Variants in OPCML observed in about 807,000 individuals in gnomAD.
OPCML encodes the protein opioid binding protein/cell adhesion molecule like.
Under a neutral mutation model 37.8 loss-of-function variants are expected in OPCML, and 13 were observed. The ratio of observed to expected loss-of-function variants is 0.34; its 90% confidence interval spans 0.22 to 0.55. The LOEUF is 0.55. Ranked by LOEUF, OPCML falls within the 20% of genes least tolerant of loss-of-function variation. The pLI is 0.91. For synonymous variants in OPCML, 176 were observed against 168.8 expected, an observed-to-expected ratio of 1.04 and a Z score of -0.33; for missense variants, 341 against 435.6, an observed-to-expected ratio of 0.78 and a Z score of 1.93.
chr11:132,473,893 A>C (rs932370850), intron 4 of OPCML, among the ~76,000 whole-genome samples: 1 of 152,198 alleles, frequency 6.6e-6, no homozygotes, highest in Non-Finnish European at 1.5e-5. Context: ...GTCATGGCAC[A>C]GATGAAAATC....
At chr11:132,435,517 C>T (rs75103628) in intron 7 of OPCML, among the ~76,000 whole-genome samples, 5 of 152,186 alleles carry the variant, frequency 3.3e-5, no homozygotes, top group Admixed American at 2.6e-4. Context: ...GACATAGGGG[C>T]TTTAAAGGAG....
In OPCML at chr11:132,943,784, G is replaced by A. The variant is rs1415766617; in HGVS notation, c.62-774C>T. On this transcript the variant is annotated intron_variant, in intron 1 of 7. Transcript: ENST00000524381. The surrounding 1 kb of genome is among the most constrained non-coding windows in gnomAD (Gnocchi z 4.3). Reference sequence around the variant, plus strand: ...CGCCCGGCGCAGGCTCCGGGCGCACGGGGAGCTGGGCGGACGGCGGCCCCC... The same window carrying A: ...CGCCCGGCGCAGGCTCCGGGCGCACAGGGAGCTGGGCGGACGGCGGCCCCC... 1 of 150,362 alleles carries A rather than the reference G, an allele frequency of 6.7e-6. No individual in the cohort carries two copies. Among genetic ancestry groups the A allele is most frequent in the Non-Finnish European group, 1.5e-5 (1 of 67,504 alleles). The allele number at this position is 150,362 out of a possible 1,614,324, so 9.3% of individuals were successfully genotyped here.
intron 2 of OPCML, among the ~76,000 whole-genome samples, chr11:132,830,743 C>A (rs1346076047): frequency 3.3e-5 from 5 of 152,202 alleles, no homozygotes; most frequent in East Asian, 3.8e-4. Context: ...GCCTCTCTAT[C>A]TTTTCCCTTA....
intron 3 of OPCML, among the ~76,000 whole-genome samples, chr11:132,617,459 G>A (rs912227660): frequency 5.3e-5 from 8 of 152,114 alleles, no homozygotes; most frequent in Non-Finnish European, 1.5e-5. Context: ...CTCAAACCTG[G>A]CCTATGTCTA....
chr11:132,663,591 G>A (rs1231771333), intron 2 of OPCML, among the ~76,000 whole-genome samples: 1 of 152,182 alleles, frequency 6.6e-6, no homozygotes, highest in Non-Finnish European at 1.5e-5. Flanking sequence ...ATCATATCAG[G>A]CTGATGACAA....
chr11:133,219,809 G>C (rs879497256), intron 1 of OPCML, among the ~76,000 whole-genome samples: 3 of 150,070 alleles, frequency 2.0e-5, no homozygotes, highest in Non-Finnish European at 4.5e-5. Context: ...GGGGAGGGGG[G>C]TGCTACAGAC....
At chr11:133,093,062 AATT>A (rs1030089615) in intron 1 of OPCML, among the ~76,000 whole-genome samples, 6 of 152,082 alleles carry the variant, frequency 3.9e-5, no homozygotes, top group Non-Finnish European at 5.9e-5. Flanking sequence ...TAACTATAAT[AATT>A]ATTATTATTA....
chr11:132,711,488 A>C (rs1055888100), intron 2 of OPCML, among the ~76,000 whole-genome samples: 2 of 152,194 alleles, frequency 1.3e-5, no homozygotes, highest in East Asian at 3.9e-4. Context: ...TGATTCTCAC[A>C]CTTGCCCCTT....
intron 3 of OPCML, among the ~76,000 whole-genome samples, chr11:132,605,516 A>G (rs1461185495): frequency 1.3e-5 from 2 of 152,094 alleles, no homozygotes; most frequent in African/African-American, 4.8e-5. Flanking sequence ...GTGAGCCAAG[A>G]TCGCACCACT....
At chr11:132,752,272 A>C (rs1245976878) in intron 2 of OPCML, among the ~76,000 whole-genome samples, 1 of 152,010 alleles carries the variant, frequency 6.6e-6, no homozygotes, top group Non-Finnish European at 1.5e-5. Flanking sequence ...AAAAAAAAAA[A>C]ATTAAAAGAG....
chr11:133,261,209 C>T (rs57190443), intron 1 of OPCML, among the ~76,000 whole-genome samples: 11,623 of 152,212 alleles, frequency 0.076, 1,469 homozygotes, highest in African/African-American at 0.27. Flanking sequence ...AGGCCTGAGA[C>T]TACGTCACAT....
intron 4 of OPCML, among the ~76,000 whole-genome samples, chr11:132,527,670 C>T (rs772848276): frequency 2.3e-4 from 35 of 151,938 alleles, no homozygotes; most frequent in Middle Eastern, 6.8e-3. Flanking sequence ...GTGTCTCCAC[C>T]GAAGGTTTTT....
intron 2 of OPCML, among the ~76,000 whole-genome samples, chr11:132,789,676 G>C (rs1048526604): frequency 6.6e-6 from 1 of 152,180 alleles, no homozygotes; most frequent in African/African-American, 2.4e-5. Flanking sequence ...GAAATACTCA[G>C]AGAAAGAACT....
chr11:132,723,672 C>A (rs1043305555), intron 2 of OPCML, among the ~76,000 whole-genome samples: 17 of 152,158 alleles, frequency 1.1e-4, no homozygotes, highest in Non-Finnish European at 2.4e-4. Context: ...TTTCTCATTG[C>A]CCACTTCCTG....
chr11:132,685,585 A>G (rs1205663331), intron 2 of OPCML, among the ~76,000 whole-genome samples: 2 of 152,198 alleles, frequency 1.3e-5, no homozygotes, highest in Admixed American at 1.3e-4. Flanking sequence ...TGGGAAGGAA[A>G]CAGTAATTAC....
intron 2 of OPCML, among the ~76,000 whole-genome samples, chr11:132,827,816 T>TTTTTTC (rs1236196422): frequency 6.6e-6 from 1 of 151,872 alleles, no homozygotes; most frequent in Non-Finnish European, 1.5e-5. Flanking sequence ...AATTTTTTTT[T>TTTTTTC]TGTATTTTTA....
intron 1 of OPCML, among the ~76,000 whole-genome samples, chr11:133,312,488 G>A (rs1219856424): frequency 6.6e-6 from 1 of 152,204 alleles, no homozygotes; most frequent in Admixed American, 6.5e-5. Flanking sequence ...TGAATAGGCT[G>A]TTTGAATTAG....
intron 1 of OPCML, among the ~76,000 whole-genome samples, chr11:133,376,987 G>A (rs1353229941): frequency 6.6e-6 from 1 of 152,116 alleles, no homozygotes; most frequent in Non-Finnish European, 1.5e-5. Flanking sequence ...GGGAGTAAAG[G>A]GAAGAAAAAG....
chr11:132,718,075 G>C (rs994300306), intron 2 of OPCML, among the ~76,000 whole-genome samples: 16 of 152,182 alleles, frequency 1.1e-4, no homozygotes, highest in African/African-American at 3.9e-4. Flanking sequence ...GGGAACCAAA[G>C]AAATGAGACG....
Sources: allele counts gnomAD v4.1 joint callset (sites outside exome capture counted in the v4.1 genomes callset), GRCh38; gene constraint gnomAD v4.1.1; non-coding constraint Gnocchi (gnomAD v3.1); transcripts MANE v1.5; gene names NCBI Gene and HGNC (gene_info 2026-07-23, HGNC 2026-07-21).